GCSAM: variants seen among roughly 807,000 people sequenced by gnomAD.
GCSAM encodes germinal center associated signaling and motility.
In GCSAM, 8 loss-of-function variants were observed where a neutral mutation model predicts 17.6. That is an observed-to-expected ratio of 0.46 (90% CI 0.27 to 0.82). The LOEUF (loss-of-function observed/expected upper bound fraction) is 0.82. Among genes scored for constraint, GCSAM ranks in the 40% least tolerant of loss-of-function variants. The probability of loss-of-function intolerance (pLI) is 0.15; values close to 1 mark genes in which losing one functional copy is unlikely to be tolerated. For missense variants in GCSAM, 192 were observed against 213.5 expected (o/e 0.90, Z 0.63); for synonymous variants, 68 against 69.0 (o/e 0.98, Z 0.07).
chr3:112,125,084 C>T (rs2074284999), intron 5 of GCSAM, 142 bp downstream of exon 5: 1 of 675,876 alleles, frequency 1.5e-6, no homozygotes, highest in Admixed American at 2.3e-5. Context: ...GCACCTGCCA[C>T]CCGAGTTCAC....
At chr3:112,129,806 C>T (rs2074409583) in intron 2 of GCSAM, 1 of 152,208 alleles carries the variant, frequency 6.6e-6, no homozygotes, top group Admixed American at 6.5e-5. Flanking sequence ...CTTTCAAAAT[C>T]TCCTCCTGAA....
intron 2 of GCSAM, 64 bp downstream of exon 2, chr3:112,130,381 G>T: frequency 7.6e-7 from 1 of 1,322,438 alleles, no homozygotes; most frequent in Non-Finnish European, 1.1e-6. Context: ...TGAAGTCCAG[G>T]GCTTGACATA....
Sources: allele counts gnomAD v4.1 joint callset, GRCh38; gene constraint gnomAD v4.1.1; transcripts MANE v1.5; gene names NCBI Gene and HGNC (gene_info 2026-07-23, HGNC 2026-07-21).